Variants in ZNF236 observed in about 807,000 individuals in gnomAD.
The protein encoded by ZNF236 is zinc finger protein 236, also known as regulated by glucose.
ZNF236 carries 50 observed loss-of-function variants against 191.2 expected under a neutral mutation model. That is an observed-to-expected ratio of 0.26 (90% CI 0.21 to 0.33). The LOEUF is 0.33. Ranked by LOEUF, ZNF236 falls within the 10% of genes least tolerant of loss-of-function variation. The pLI, the probability that ZNF236 is intolerant of heterozygous loss-of-function variation, is 1.00. For missense variants in ZNF236, 1,754 were observed against 2,374.5 expected (o/e 0.74, Z 5.43); for synonymous variants, 907 against 928.8 (o/e 0.98, Z 0.43).
At chr18:76,908,255 A>G (rs1448866886) in intron 13 of ZNF236, 65 bp from the exon 14 acceptor site, 13 of 1,542,476 alleles carry the variant, frequency 8.4e-6, no homozygotes, top group Non-Finnish European at 1.1e-5. Context: ...CTTTCACTGT[A>G]GTATCCCAGG....
rs912769404 is a variant in ZNF236, at chr18:76,875,312, G to A, written c.668-180G>A. Among the ~76,000 whole-genome samples the A allele has an allele frequency of 5.9e-5, 9 of 152,146 alleles. No individual in the cohort carries two copies. Among genetic ancestry groups the A allele is most frequent in the African/African-American group, 1.9e-4 (8 of 41,430 alleles). ...GGAGCAGTTTGCGAGATGGTCAAGT[G>A]CAGTTTTGACATGTTAATTTTGAGA... On this transcript the variant is annotated intron_variant, in intron 5 of 30. Transcript: ENST00000320610. This position sits in a 1 kb window ranked among gnomAD's most constrained non-coding sequence, Gnocchi z 4.3.
chr18:76,946,704 A>G (rs1968271204), intron 26 of ZNF236, among the ~76,000 whole-genome samples: 1 of 152,162 alleles, frequency 6.6e-6, no homozygotes, highest in Non-Finnish European at 1.5e-5. Flanking sequence ...TGTGCCCCAT[A>G]CCACCCTACC....
At chr18:76,831,734 T>C (rs972159744) in intron 1 of ZNF236, among the ~76,000 whole-genome samples, 8 of 152,256 alleles carry the variant, frequency 5.3e-5, no homozygotes, top group Non-Finnish European at 1.2e-4. Context: ...AGCCATTCTG[T>C]TAGGCGTGTA....
chr18:76,914,210 G>A (rs1433884892), intron 18 of ZNF236, among the ~76,000 whole-genome samples: 2 of 152,182 alleles, frequency 1.3e-5, no homozygotes, highest in Non-Finnish European at 2.9e-5. Context: ...GGCATTTTGT[G>A]TCTGCTTCTT....
intron 27 of ZNF236, among the ~76,000 whole-genome samples, chr18:76,948,960 G>C (rs1013870919): frequency 6.6e-6 from 1 of 152,210 alleles, no homozygotes; most frequent in African/African-American, 2.4e-5. Flanking sequence ...ACTAATAGCA[G>C]GATGTTCCAG....
intron 18 of ZNF236, 118 bp downstream of exon 18, chr18:76,914,016 A>G: frequency 8.8e-7 from 1 of 1,139,266 alleles, no homozygotes; most frequent in Non-Finnish European, 1.2e-6. Flanking sequence ...GATTTTTAGT[A>G]TGTTCATAGA....
chr18:76,949,097 C>G (rs1968343363), intron 27 of ZNF236, among the ~76,000 whole-genome samples: 1 of 152,158 alleles, frequency 6.6e-6, no homozygotes, highest in Admixed American at 6.5e-5. Flanking sequence ...GCATTGGCAG[C>G]TTGGTCATAT....
intron 9 of ZNF236, chr18:76,887,197 A>T (rs1403388282): frequency 1.3e-5 from 2 of 151,978 alleles, no homozygotes; most frequent in Non-Finnish European, 2.9e-5. Context: ...ACATGGTGAA[A>T]CCTGTCTCTA....
At chr18:76,959,319 TCC>T (rs1309042092) in intron 28 of ZNF236, among the ~76,000 whole-genome samples, 1 of 151,960 alleles carries the variant, frequency 6.6e-6, no homozygotes. Flanking sequence ...GGGGACAGGA[TCC>T]CCCACAGCCA....
chr18:76,956,025 C>T lies in ZNF236; in HGVS notation c.4955C>T (p.Pro1652Leu), dbSNP rs1396445005. ...GGGAACCTGGCCCCGGGCAACCAGC[C>T]AGAGAAGGAGGGCCGGGCGCACCAG... is the stretch of plus-strand genomic sequence containing the variant. ...VSGNLAPGNQ[P>L]EKEGRAHQCL... The change falls in exon 28 of 31, where the codon CCA becomes CTA. Residue 1652 changes from proline (P) to leucine (L), a missense_variant. Coordinates refer to ENST00000320610, the MANE Select transcript of ZNF236 (RefSeq NM_001306089.2). The T allele has an allele frequency of 6.8e-6, 11 of 1,610,552 alleles. No homozygotes were observed. The highest frequency in any genetic ancestry group is 8.5e-6 in the Non-Finnish European group (10 of 1,179,586).
Position 76,928,009 on chromosome 18 carries a change from T to A in ZNF236, c.4497T>A (p.Ile1499=). The change falls in exon 25 of 31, where the codon ATT becomes ATA. Residue 1499 remains isoleucine, a synonymous_variant. Transcript: ENST00000320610. ...SGGPHEITLT[I]NNSSLSQVLA... ...GTCCCCACGAGATCACCCTGACCAT[T>A]AACAACTCCAGCCTGAGCCAGGTCC... The A allele has an allele frequency of 6.2e-7, 1 of 1,613,722 alleles. No homozygotes were observed. Among genetic ancestry groups the A allele is most frequent in the Non-Finnish European group, 8.5e-7 (1 of 1,179,862 alleles).
intron 13 of ZNF236, among the ~76,000 whole-genome samples, chr18:76,907,544 G>A (rs935778185): frequency 3.9e-5 from 6 of 152,164 alleles, no homozygotes; most frequent in Admixed American, 2.6e-4. Context: ...GGCCAGGCTG[G>A]CCTTGAACTC....
At chr18:76,937,463 A>AT (rs1176620116) in intron 26 of ZNF236, 120 bp downstream of exon 26, 41 of 942,466 alleles carry the variant, frequency 4.4e-5, no homozygotes, top group African/African-American at 8.2e-5. Context: ...AAATCGAAGC[A>AT]TTTTTTTTCT....
At chr18:76,911,600 G>T (rs567548399) in intron 16 of ZNF236, among the ~76,000 whole-genome samples, 69 of 152,318 alleles carry the variant, frequency 4.5e-4, no homozygotes, top group Admixed American at 1.3e-3. Context: ...TTATAGCAAC[G>T]TGCACTTGCT....
intron 16 of ZNF236, 145 bp downstream of exon 16, chr18:76,910,956 G>A: frequency 1.2e-6 from 1 of 854,510 alleles, no homozygotes; most frequent in Middle Eastern, 3.4e-4. Flanking sequence ...CATTACCTGG[G>A]AAATCCTCAG....
chr18:76,861,145 A>G (rs1976209030), intron 3 of ZNF236, among the ~76,000 whole-genome samples: 1 of 152,194 alleles, frequency 6.6e-6, no homozygotes, highest in South Asian at 2.1e-4. Flanking sequence ...CGTGTTGGCA[A>G]TATGTTGGCT....
chr18:76,903,342 C>G (rs1977653726), intron 11 of ZNF236, among the ~76,000 whole-genome samples: 1 of 152,186 alleles, frequency 6.6e-6, no homozygotes, highest in Non-Finnish European at 1.5e-5. Context: ...TCTCAGAGGT[C>G]CGGGGCTCCC....
intron 4 of ZNF236, 127 bp downstream of exon 4, chr18:76,868,990 G>A: frequency 2.3e-6 from 2 of 884,396 alleles, no homozygotes; most frequent in African/African-American, 3.4e-5. Context: ...CAGATAATTT[G>A]GTGTCAGAAC....
chr18:76,866,064 G>C (rs1976395020), intron 3 of ZNF236, among the ~76,000 whole-genome samples: 1 of 152,138 alleles, frequency 6.6e-6, no homozygotes, highest in African/African-American at 2.4e-5. Flanking sequence ...AAATCACTTA[G>C]GAATTTTTCT....
Sources: gnomAD v4.1 joint callset for allele counts (sites outside exome capture counted in the v4.1 genomes callset) on GRCh38, gnomAD v4.1.1 for gene constraint, Gnocchi (gnomAD v3.1) non-coding constraint, MANE v1.5 for transcripts, NCBI Gene and HGNC (gene_info 2026-07-23, HGNC 2026-07-21) for gene names.